MYRIP: variants seen among roughly 807,000 people sequenced by gnomAD.
MYRIP encodes rab effector MyRIP.
MYRIP carries 49 observed loss-of-function variants against 98.0 expected under a neutral mutation model. That is an observed-to-expected ratio of 0.50 (90% CI 0.40 to 0.63). MYRIP has a LOEUF of 0.63. MYRIP is among the 30% of genes least tolerant of loss of function. MYRIP has a pLI of 0.00. For synonymous variants in MYRIP, 404 were observed against 409.5 expected (o/e 0.99, Z 0.16); for missense variants, 1,004 against 1,058.2 (o/e 0.95, Z 0.71).
chr3:39,962,741 T>C (rs987748654), intron 2 of MYRIP, among the ~76,000 whole-genome samples: 6 of 152,164 alleles, frequency 3.9e-5, no homozygotes, highest in Non-Finnish European at 7.4e-5. Context: ...AATCAGGGCC[T>C]CATGTTTTAG....
intron 3 of MYRIP, among the ~76,000 whole-genome samples, chr3:40,099,498 G>A (rs1948899571): frequency 6.6e-6 from 1 of 152,076 alleles, no homozygotes; most frequent in African/African-American, 2.4e-5. Flanking sequence ...GTGGCCACAG[G>A]GCTAGGGAGT....
At position 39,876,767 on chromosome 3, in the gene MYRIP, C is replaced by T. The variant is rs532746241; in HGVS notation, c.-30-24020C>T. Among the ~76,000 whole-genome samples the T allele has an allele frequency of 3.3e-5, 5 of 152,162 alleles. No homozygotes were observed. The South Asian group carries it at 6.2e-4, about 19-fold the overall frequency. On this transcript the variant is annotated intron_variant, in intron 1 of 16. Coordinates refer to ENST00000302541, the MANE Select transcript of MYRIP (RefSeq NM_015460.4). ...TAACCCGACTTTTCTCTCTGGCTGCCCTTAACATTTTTTCCTTCATTTCAA... is the reference window on the plus strand; with the variant it reads ...TAACCCGACTTTTCTCTCTGGCTGCTCTTAACATTTTTTCCTTCATTTCAA...
At position 40,157,739 on chromosome 3, in the gene MYRIP, G is replaced by A. The variant is rs1266969674; in HGVS notation, c.470-4991G>A. On this transcript the variant is annotated intron_variant, in intron 4 of 16. Coordinates refer to ENST00000302541, the MANE Select transcript of MYRIP (RefSeq NM_015460.4). The stretch of plus-strand genomic sequence containing the variant: ...TTAGTCTTGGGAGAGTGTATTTGTC[G>A]AGGAATTTATCCATTTCTTCTAGAT... Among the ~76,000 whole-genome samples the A allele has an allele frequency of 5.5e-3, 820 of 150,170 alleles. 4 individuals carry two copies. Among genetic ancestry groups the A allele is most frequent in the Non-Finnish European group, 9.0e-3 (605 of 67,388 alleles).
rs1476789588 is a variant in MYRIP, at chr3:40,037,757, T to C, written c.111-6293T>C. 3.3e-5 allele frequency among the ~76,000 whole-genome samples: 5 copies of C among 152,124 alleles called. 1 individual carries two copies. Among genetic ancestry groups the C allele is most frequent in the Admixed American group, 3.3e-4 (5 of 15,256 alleles). On this transcript the variant is annotated intron_variant, in intron 2 of 16. Coordinates refer to ENST00000302541, the MANE Select transcript of MYRIP (RefSeq NM_015460.4). ...CACATGTGAAATGTAGATTTGTGAA[T>C]GCTAATCAGAGCCTCACAAGAATGT... is the stretch of plus-strand genomic sequence containing the variant.
Position 40,258,131 on chromosome 3 carries a change from C to G in MYRIP, c.2548-3C>G, listed in dbSNP as rs754850560. On this transcript the variant is annotated splice_polypyrimidine_tract_variant and splice_region_variant and intron_variant, in intron 16 of 16. Coordinates refer to ENST00000302541, the MANE Select transcript of MYRIP (RefSeq NM_015460.4). The stretch of plus-strand genomic sequence containing the variant: ...TGGGAGTGTGTTCAATGTCTCACCT[C>G]AGGAGCCTGCTCTGGAGTCAGCTGT... 9 of 1,614,088 alleles carry G rather than the reference C, an allele frequency of 5.6e-6. No homozygotes were observed. The South Asian group carries it at 8.8e-5, about 16-fold the overall frequency.
chr3:40,042,319 C>T (rs1308770592), intron 2 of MYRIP, among the ~76,000 whole-genome samples: 1 of 145,576 alleles, frequency 6.9e-6, no homozygotes, highest in Non-Finnish European at 1.5e-5. Context: ...AGAGAGCCAA[C>T]CTTCAACCCA....
At chr3:40,179,357 C>G (rs1211958248) in intron 8 of MYRIP, among the ~76,000 whole-genome samples, 1 of 152,106 alleles carries the variant, frequency 6.6e-6, no homozygotes, top group Non-Finnish European at 1.5e-5. Flanking sequence ...ATTTTTATAG[C>G]CTGGCATTCC....
chr3:40,231,505 T>C (rs1245824437), intron 11 of MYRIP, among the ~76,000 whole-genome samples: 1 of 152,094 alleles, frequency 6.6e-6, no homozygotes, highest in African/African-American at 2.4e-5. Context: ...AAACCATGGG[T>C]AATATTTGCC....
intron 1 of MYRIP, among the ~76,000 whole-genome samples, chr3:39,892,098 T>C (rs566765431): frequency 6.6e-6 from 1 of 152,302 alleles, no homozygotes; most frequent in Non-Finnish European, 1.5e-5. Flanking sequence ...CTATTTTCAT[T>C]ATTTTTAAAA....
intron 11 of MYRIP, among the ~76,000 whole-genome samples, chr3:40,217,581 C>A (rs995348340): frequency 1.3e-5 from 2 of 152,118 alleles, no homozygotes; most frequent in African/African-American, 4.8e-5. Flanking sequence ...GATAAACAAC[C>A]ATTTCTGATA....
intron 3 of MYRIP, among the ~76,000 whole-genome samples, chr3:40,108,843 G>C (rs930348543): frequency 1.3e-5 from 2 of 152,150 alleles, no homozygotes; most frequent in African/African-American, 2.4e-5. Flanking sequence ...CCTAGAGATA[G>C]TAAATGGCTC....
intron 3 of MYRIP, among the ~76,000 whole-genome samples, chr3:40,080,175 G>C (rs1948443365): frequency 6.6e-6 from 1 of 152,150 alleles, no homozygotes; most frequent in Admixed American, 6.5e-5. Flanking sequence ...ACATTGCCAA[G>C]AGATTTTAAC....
intron 1 of MYRIP, among the ~76,000 whole-genome samples, chr3:39,873,719 C>G (rs919944847): frequency 6.9e-6 from 1 of 145,372 alleles, no homozygotes; most frequent in African/African-American, 2.5e-5. Context: ...GGTACCAGTA[C>G]CATGCTGTTT....
chr3:39,813,572 C>T (rs143462067), intron 1 of MYRIP, among the ~76,000 whole-genome samples: 16 of 152,242 alleles, frequency 1.1e-4, no homozygotes, highest in East Asian at 9.6e-4. Context: ...CTATGCAAGC[C>T]GGAGTGAAGG....
At chr3:39,992,729 A>G (rs1166084167) in intron 2 of MYRIP, among the ~76,000 whole-genome samples, 1 of 152,108 alleles carries the variant, frequency 6.6e-6, no homozygotes, top group Non-Finnish European at 1.5e-5. Flanking sequence ...TAGTCTCTCA[A>G]CTTTCTGCCT....
At chr3:39,829,892 A>G (rs180918755) in intron 1 of MYRIP, among the ~76,000 whole-genome samples, 1 of 152,226 alleles carries the variant, frequency 6.6e-6, no homozygotes, top group Admixed American at 6.5e-5. Flanking sequence ...GGCTCTTTCT[A>G]ACATCCTGGC....
chr3:39,871,636 G>A (rs976984121), intron 1 of MYRIP, among the ~76,000 whole-genome samples: 2 of 152,140 alleles, frequency 1.3e-5, no homozygotes, highest in Non-Finnish European at 2.9e-5. Context: ...AGACTTTAGA[G>A]CAGAGCCTGC....
At chr3:40,229,316 G>A (rs2125694813) in intron 11 of MYRIP, among the ~76,000 whole-genome samples, 1 of 152,208 alleles carries the variant, frequency 6.6e-6, no homozygotes, top group South Asian at 2.1e-4. Context: ...GTGTATTTGG[G>A]TCCTGAGACA....
chr3:39,968,046 G>T lies in MYRIP; in HGVS notation c.110+67120G>T, dbSNP rs539939403. On this transcript the variant is annotated intron_variant, in intron 2 of 16. Transcript: ENST00000302541. Reference sequence around the variant, plus strand: ...CTGTAGGTTGTCTACTCTGCTGATAGTTGCTTTTGCTGTGCAGAAGCTCTT... The same window carrying T: ...CTGTAGGTTGTCTACTCTGCTGATATTTGCTTTTGCTGTGCAGAAGCTCTT... Among the ~76,000 whole-genome samples, 28 of 152,226 alleles carry T rather than the reference G, an allele frequency of 1.8e-4. No individual in the cohort carries two copies. The South Asian group carries it at 5.0e-3, about 27-fold the overall frequency.
Sources: gnomAD v4.1 joint callset for allele counts (sites outside exome capture counted in the v4.1 genomes callset) on GRCh38, gnomAD v4.1.1 for gene constraint, MANE v1.5 for transcripts, NCBI Gene and HGNC (gene_info 2026-07-23, HGNC 2026-07-21) for gene names.